LCORL: variants seen among roughly 807,000 people sequenced by gnomAD.
The protein encoded by LCORL is ligand dependent nuclear receptor corepressor like.
In LCORL, 41 loss-of-function variants were observed where a neutral mutation model predicts 141.8. That is an observed-to-expected ratio of 0.29 (90% CI 0.23 to 0.38). The LOEUF (loss-of-function observed/expected upper bound fraction) is 0.38, where lower values mean the gene tolerates loss of function less well. LCORL is among the 10% of genes least tolerant of loss of function. LCORL has a pLI of 1.00. For missense variants in LCORL, 1,759 were observed against 2,035.0 expected (o/e 0.86, Z 2.61); for synonymous variants, 618 against 694.1 (o/e 0.89, Z 1.72).
intron 1 of LCORL, among the ~76,000 whole-genome samples, chr4:17,989,126 A>G (rs1003768078): frequency 6.6e-6 from 1 of 152,232 alleles, no homozygotes; most frequent in Non-Finnish European, 1.5e-5. Flanking sequence ...CTTCTATACA[A>G]ATACCTGTGG....
At chr4:17,880,349 C>T (rs1727398622) in intron 6 of LCORL, 3 of 657,368 alleles carry the variant, frequency 4.6e-6, no homozygotes, top group Non-Finnish European at 5.7e-6. Flanking sequence ...AATATCCAGT[C>T]TAGAATTTAT....
At position 17,998,964 on chromosome 4, in the gene LCORL, C is replaced by CA. The variant is rs775544332; in HGVS notation, c.154+22633dup. On this transcript the variant is annotated intron_variant, in intron 1 of 7. Transcript: ENST00000635767. ...TGGGTGACAGAGTGAGACCCTGTCT[C>CA]AAAAAAAAAAAAAAAAAAAAAATAT... 2.5e-3 allele frequency among the ~76,000 whole-genome samples: 111 copies of CA among 44,796 alleles called. 2 individuals carry two copies. Among genetic ancestry groups the CA allele is most frequent in the East Asian group, 0.021 (33 of 1,584 alleles). 29.4% of individuals were successfully genotyped at this position (44,796 alleles called of 152,430 possible). A position where few individuals can be genotyped will look rare whatever the true frequency, so the allele number is the denominator to read the frequency against.
chr4:18,006,370 GTCT>G (rs1486676135), intron 1 of LCORL, among the ~76,000 whole-genome samples: 13 of 152,132 alleles, frequency 8.5e-5, no homozygotes, highest in African/African-American at 2.7e-4. Context: ...ACATTTTCCT[GTCT>G]TCTTCTAAGC....
intron 1 of LCORL, among the ~76,000 whole-genome samples, chr4:18,013,718 T>C (rs1486421535): frequency 6.6e-6 from 1 of 152,182 alleles, no homozygotes; most frequent in South Asian, 2.1e-4. Flanking sequence ...ACCTTGCACA[T>C]ACTAGTCAGA....
intron 1 of LCORL, among the ~76,000 whole-genome samples, chr4:18,000,683 C>A (rs1289150190): frequency 6.6e-6 from 1 of 152,088 alleles, no homozygotes; most frequent in East Asian, 1.9e-4. Flanking sequence ...ACTACATAAT[C>A]CCATTTCAAA....
chr4:17,993,446 C>T (rs917996777), intron 1 of LCORL, among the ~76,000 whole-genome samples: 6 of 151,988 alleles, frequency 3.9e-5, no homozygotes, highest in Non-Finnish European at 8.8e-5. Flanking sequence ...CTCAAGTGAT[C>T]CTCCCGCCTC....
chr4:17,966,094 T>C (rs1714808628), intron 2 of LCORL, among the ~76,000 whole-genome samples: 1 of 152,076 alleles, frequency 6.6e-6, no homozygotes. Flanking sequence ...ATTAACTATA[T>C]TGAAAAGTAC....
intron 4 of LCORL, among the ~76,000 whole-genome samples, chr4:17,917,628 G>C (rs912935151): frequency 6.6e-6 from 1 of 152,242 alleles, no homozygotes; most frequent in Non-Finnish European, 1.5e-5. Context: ...TGCTTATTGA[G>C]CTAAGATTAA....
At chr4:17,916,634 A>G (rs113577283) in intron 4 of LCORL, among the ~76,000 whole-genome samples, 2 of 149,996 alleles carry the variant, frequency 1.3e-5, no homozygotes, top group African/African-American at 4.9e-5. Context: ...GCATGAGCCA[A>G]TTAAATGTCT....
At chr4:17,978,579 CAAA>C (rs202146842) in intron 1 of LCORL, among the ~76,000 whole-genome samples, 3 of 125,208 alleles carry the variant, frequency 2.4e-5, no homozygotes, top group Admixed American at 8.2e-5. Context: ...GACCTTGTCT[CAAA>C]AAAAAAAAAA....
At chr4:17,900,508 T>C (rs1454198643) in intron 5 of LCORL, among the ~76,000 whole-genome samples, 3 of 152,190 alleles carry the variant, frequency 2.0e-5, no homozygotes, top group Non-Finnish European at 4.4e-5. Context: ...TCCTCAACGA[T>C]CTTATCTAAA....
At chr4:17,882,328 G>A in intron 6 of LCORL, 1 of 984,540 alleles carries the variant, frequency 1.0e-6, no homozygotes, top group Non-Finnish European at 1.2e-6. Flanking sequence ...GGGGCACTCA[G>A]AGAATTTTGA....
chr4:17,872,042 A>G (rs1726399460), intron 7 of LCORL, among the ~76,000 whole-genome samples: 1 of 151,862 alleles, frequency 6.6e-6, no homozygotes, highest in African/African-American at 2.4e-5. Context: ...GATACTACCT[A>G]TTTTAGCTTT....
chr4:17,849,087 CCACCTCTGGGGGCAGGG>C (rs1309054565), intron 7 of LCORL, among the ~76,000 whole-genome samples: 4 of 152,246 alleles, frequency 2.6e-5, no homozygotes, highest in Non-Finnish European at 5.9e-5. Flanking sequence ...TCTGCAGGCT[CCACCTCTGGGGGCAGGG>C]CACAGACAAA....
intron 1 of LCORL, among the ~76,000 whole-genome samples, chr4:17,995,443 G>A (rs6824748): frequency 0.24 from 36,940 of 151,708 alleles, 5,842 homozygotes; most frequent in African/African-American, 0.45. Flanking sequence ...AGAATTCACC[G>A]GCCCAAAATG....
intron 1 of LCORL, among the ~76,000 whole-genome samples, chr4:18,019,459 C>G (rs1029471335): frequency 6.6e-6 from 1 of 152,140 alleles, no homozygotes. Context: ...TTTTCACATA[C>G]GATACAATGT....
chr4:17,882,043 T>TAAGTA (rs1223617990), intron 6 of LCORL: 32 of 983,896 alleles, frequency 3.3e-5, no homozygotes, highest in Admixed American at 6.2e-5. Flanking sequence ...TGAAGAGGGT[T>TAAGTA]AAGTATAGAT....
chr4:17,851,657 T>C (rs1157660512), intron 7 of LCORL, among the ~76,000 whole-genome samples: 1 of 152,240 alleles, frequency 6.6e-6, no homozygotes, highest in Non-Finnish European at 1.5e-5. Context: ...ATGCATTGAA[T>C]ATTCTTGCAT....
exon 8 of LCORL, chr4:17,843,706 T>G (rs545884431): frequency 1.5e-4 from 31 of 212,204 alleles, no homozygotes; most frequent in Non-Finnish European, 2.8e-4. Flanking sequence ...TCTTATGAAC[T>G]CTTTATGTTT....
Sources: allele counts gnomAD v4.1 joint callset (sites outside exome capture counted in the v4.1 genomes callset), GRCh38; gene constraint gnomAD v4.1.1; transcripts MANE v1.5; gene names NCBI Gene and HGNC (gene_info 2026-07-23, HGNC 2026-07-21).